Variants in GIGYF2 observed in about 807,000 individuals in gnomAD.
GIGYF2 encodes the protein GRB10-interacting GYF protein 2.
GIGYF2 carries 25 observed loss-of-function variants against 208.1 expected under a neutral mutation model. The ratio of observed to expected loss-of-function variants is 0.12; its 90% CI spans 0.09 to 0.17. The LOEUF (loss-of-function observed/expected upper bound fraction) is 0.17. Ranked by LOEUF, GIGYF2 falls within the 10% of genes least tolerant of loss-of-function variation. GIGYF2 has a pLI of 1.00. For missense variants in GIGYF2, 1,302 were observed against 1,579.4 expected, an observed-to-expected ratio of 0.82 and a Z score of 2.98; for synonymous variants, 534 against 543.8, an observed-to-expected ratio of 0.98 and a Z score of 0.25.
intron 9 of GIGYF2, among the ~76,000 whole-genome samples, chr2:232,789,922 C>T (rs1559433591): frequency 1.3e-5 from 2 of 151,478 alleles, no homozygotes; most frequent in Non-Finnish European, 2.9e-5. Context: ...TGGGAATGTC[C>T]GTAGGGGTAT....
chr2:232,730,027 G>C (rs1302312490), intron 2 of GIGYF2: 2 of 822,348 alleles, frequency 2.4e-6, no homozygotes, highest in South Asian at 2.8e-5. Flanking sequence ...GACTTGATGT[G>C]ATTATACCAA....
intron 27 of GIGYF2, among the ~76,000 whole-genome samples, chr2:232,848,349 T>C (rs1186927931): frequency 6.6e-6 from 1 of 152,168 alleles, no homozygotes; most frequent in East Asian, 1.9e-4. Context: ...AGGGCCACTT[T>C]ACACAGCGAA....
chr2:232,724,869 C>G (rs1487263567), intron 2 of GIGYF2, among the ~76,000 whole-genome samples: 1 of 152,110 alleles, frequency 6.6e-6, no homozygotes, highest in South Asian at 2.1e-4. Context: ...TTGAAACTTT[C>G]AAATACTTCC....
chr2:232,792,693 A>G (rs1700106207), intron 12 of GIGYF2, among the ~76,000 whole-genome samples: 2 of 152,190 alleles, frequency 1.3e-5, no homozygotes, highest in Admixed American at 6.5e-5. Flanking sequence ...TAGCTCAGCA[A>G]GTATTTGAAT....
intron 8 of GIGYF2, among the ~76,000 whole-genome samples, chr2:232,786,272 C>T (rs2106359382): frequency 6.6e-6 from 1 of 152,218 alleles, no homozygotes; most frequent in African/African-American, 2.4e-5. Flanking sequence ...GAGTCTTGCT[C>T]TGTCACCCAG....
rs1436105622 is a variant in GIGYF2 at position 232,796,180 on chromosome 2, T to C, written c.1598T>C (p.Met533Thr). Residue 533 changes from methionine to threonine, a missense_variant, in exon 14 of 29, where the codon ATG becomes ACG. Physicochemically the swap from Met to Thr is moderately conservative, Grantham distance 81. This residue lies in a region of GIGYF2 where 69 missense variants were observed against 132.8 expected (regional missense o/e 0.52). Coordinates refer to ENST00000373563, the MANE Select transcript of GIGYF2 (RefSeq NM_001103146.3). ...GVSIPLMHEA[M>T]QKWYYKDPQG... is the part of the protein sequence containing the mutation. ...TCGATTCCATTGATGCATGAAGCAA[T>C]GCAGAAGTGGTATTACAAAGATCCT... The C allele has an allele frequency of 1.2e-6, 2 of 1,606,666 alleles. No homozygotes were observed. The highest frequency in any genetic ancestry group is 1.7e-5 in the Admixed American group (1 of 60,016).
intron 22 of GIGYF2, among the ~76,000 whole-genome samples, chr2:232,835,194 A>T (rs910935255): frequency 2.0e-5 from 3 of 152,222 alleles, no homozygotes; most frequent in African/African-American, 4.8e-5. Flanking sequence ...GCTGAGTAGC[A>T]TTCCATGCCT....
At chr2:232,804,310 A>G (rs1700489294) in intron 14 of GIGYF2, among the ~76,000 whole-genome samples, 1 of 144,052 alleles carries the variant, frequency 6.9e-6, no homozygotes, top group Admixed American at 6.9e-5. Flanking sequence ...TAGATCTTTG[A>G]TTTCTTTCAT....
chr2:232,795,054 GAA>G, intron 13 of GIGYF2, 110 bp downstream of exon 13: 1 of 808,666 alleles, frequency 1.2e-6, no homozygotes, highest in Non-Finnish European at 2.2e-6. Context: ...TTAAGTACTG[GAA>G]AAACTGGATA....
chr2:232,763,078 G>A (rs559825453), intron 8 of GIGYF2, among the ~76,000 whole-genome samples: 22 of 152,248 alleles, frequency 1.4e-4, no homozygotes, highest in Admixed American at 3.3e-4. Flanking sequence ...TAGGTAGATA[G>A]TTTATTGTTA....
intron 2 of GIGYF2, among the ~76,000 whole-genome samples, chr2:232,731,909 C>T (rs1456884733): frequency 2.6e-5 from 4 of 151,858 alleles, no homozygotes. Context: ...ACTTATTTAG[C>T]AAATAAGAAT....
At chr2:232,823,745 G>A (rs1701166221) in intron 21 of GIGYF2, among the ~76,000 whole-genome samples, 1 of 152,150 alleles carries the variant, frequency 6.6e-6, no homozygotes, top group Non-Finnish European at 1.5e-5. Flanking sequence ...ATTGTTTTCC[G>A]AAAAAGTTTG....
intron 21 of GIGYF2, among the ~76,000 whole-genome samples, chr2:232,831,653 A>T (rs1559157562): frequency 6.6e-6 from 1 of 152,210 alleles, no homozygotes; most frequent in Non-Finnish European, 1.5e-5. Context: ...CCTGTTGTAC[A>T]CTTGCTTCAG....
intron 21 of GIGYF2, among the ~76,000 whole-genome samples, chr2:232,828,020 A>G (rs1701302903): frequency 1.3e-5 from 2 of 151,702 alleles, no homozygotes; most frequent in South Asian, 2.1e-4. Context: ...ACAGGGTCTC[A>G]CTCTGTCACC....
intron 19 of GIGYF2, chr2:232,816,008 G>A (rs576364029): frequency 1.8e-4 from 77 of 419,150 alleles, no homozygotes; most frequent in African/African-American, 1.5e-3. Context: ...CATTATTCAT[G>A]GTATGAACAT....
chr2:232,820,115 A>G, intron 21 of GIGYF2, 130 bp downstream of exon 21: 1 of 875,208 alleles, frequency 1.1e-6, no homozygotes, highest in East Asian at 2.7e-5. Flanking sequence ...AAAGAAACCT[A>G]ACTGGCTCTT....
At chr2:232,750,830 G>A (rs1176094248) in intron 5 of GIGYF2, among the ~76,000 whole-genome samples, 3 of 151,756 alleles carry the variant, frequency 2.0e-5, no homozygotes, top group Admixed American at 2.0e-4. Context: ...TTCTCACTCT[G>A]TCATCCAGGC....
chr2:232,799,345 A>G (rs1700320117), intron 14 of GIGYF2, among the ~76,000 whole-genome samples: 1 of 151,090 alleles, frequency 6.6e-6, no homozygotes, highest in Non-Finnish European at 1.5e-5. Context: ...GGAGTTTGAG[A>G]CCAGCGTGGG....
intron 20 of GIGYF2, among the ~76,000 whole-genome samples, chr2:232,818,194 AG>A (rs1700971371): frequency 2.6e-5 from 4 of 152,204 alleles, no homozygotes; most frequent in Admixed American, 2.6e-4. Flanking sequence ...ACTTTAAAAA[AG>A]TATCTTTGGC....
Sources: allele counts gnomAD v4.1 joint callset (sites outside exome capture counted in the v4.1 genomes callset), GRCh38; gene constraint gnomAD v4.1.1; regional missense constraint gnomAD v4.1.1; transcripts MANE v1.5; gene names NCBI Gene and HGNC (gene_info 2026-07-23, HGNC 2026-07-21).